Variants in HAO1 observed in about 807,000 individuals in gnomAD.
The protein encoded by HAO1 is hydroxyacid oxidase 1.
A neutral mutation model predicts 39.7 loss-of-function variants in HAO1; 34 were observed. The observed-to-expected ratio is 0.86, with a 90% CI of 0.65 to 1.14. The LOEUF (loss-of-function observed/expected upper bound fraction) is 1.14, where lower values mean the gene tolerates loss of function less well. Among genes scored for constraint, HAO1 ranks in the 50% most tolerant of loss-of-function variants. HAO1 has a pLI of 0.00. For missense variants in HAO1, 479 were observed against 464.5 expected (o/e 1.03, Z -0.29); for synonymous variants, 172 against 173.2 (o/e 0.99, Z 0.05).
intron 5 of HAO1, among the ~76,000 whole-genome samples, chr20:7,891,644 A>G (rs1164740287): frequency 6.6e-6 from 1 of 152,096 alleles, no homozygotes; most frequent in Admixed American, 6.6e-5. Flanking sequence ...GGTTTTTTCA[A>G]TGTTATCTTA....
Position 7,906,262 on chromosome 20 carries a change from G to T in HAO1, c.613C>A (p.Leu205Ile), listed in dbSNP as rs1283668057. ...PEENFGDDSGLAAYVAKAIDP... is the reference protein window; with the variant it reads ...PEENFGDDSGIAAYVAKAIDP... ...ATTGCTTTAGCCACATATGCAGCAAGTCCACTGTCGTCTCCAAAATTTTCC... is the reference window on the plus strand; with the variant it reads ...ATTGCTTTAGCCACATATGCAGCAATTCCACTGTCGTCTCCAAAATTTTCC... Residue 205 changes from leucine to isoleucine, a missense_variant, in exon 4 of 8, where the codon CTT becomes ATT. Coordinates refer to ENST00000378789, the MANE Select transcript of HAO1 (RefSeq NM_017545.3). 2 of 1,611,578 alleles carry T rather than the reference G, an allele frequency of 1.2e-6. No individual in the cohort carries two copies. Among genetic ancestry groups the T allele is most frequent in the Non-Finnish European group, 1.7e-6 (2 of 1,177,798 alleles).
At position 7,895,348 on chromosome 20, in the gene HAO1, T is replaced by C. The variant is rs549935422; in HGVS notation, c.722-124A>G. The C allele has an allele frequency of 1.1e-5, 7 of 658,516 alleles. No individual in the cohort carries two copies. In the East Asian group the frequency reaches 1.3e-4, roughly 12 times the overall value. 40.8% of individuals were successfully genotyped at this position (658,516 alleles called of 1,614,324 possible). A position where few individuals can be genotyped will look rare whatever the true frequency, so the allele number is the denominator to read the frequency against. ...ATCTGCATACCTGGGTCAATAATCT[T>C]AGCATAAAAGTATACCCTAGGGTTA... On this transcript the variant is annotated intron_variant, in intron 4 of 7. Transcript: ENST00000378789.
chr20:7,910,285 G>GA (rs1452784523), intron 3 of HAO1, among the ~76,000 whole-genome samples: 4 of 152,156 alleles, frequency 2.6e-5, no homozygotes, highest in Non-Finnish European at 4.4e-5. Context: ...GACTCAAAAT[G>GA]AAACTTTAAG....
chr20:7,895,362 AC>A, intron 4 of HAO1, 138 bp from the exon 5 acceptor site: 1 of 590,346 alleles, frequency 1.7e-6, no homozygotes. Flanking sequence ...ATAAAAGTAT[AC>A]CCTAGGGTTA....
At chr20:7,927,036 T>C (rs2050362443) in intron 2 of HAO1, among the ~76,000 whole-genome samples, 1 of 152,134 alleles carries the variant, frequency 6.6e-6, no homozygotes, top group Non-Finnish European at 1.5e-5. Context: ...ATCCTTCTTT[T>C]CTCTTTCTTT....
chr20:7,903,309 C>A (rs1228686623), intron 4 of HAO1, among the ~76,000 whole-genome samples: 8 of 142,850 alleles, frequency 5.6e-5, no homozygotes, highest in Admixed American at 2.1e-4. Context: ...TTTTTTTGAG[C>A]TTTCTCTAAT....
At chr20:7,929,740 T>G (rs2122795041) in intron 2 of HAO1, among the ~76,000 whole-genome samples, 1 of 152,188 alleles carries the variant, frequency 6.6e-6, no homozygotes, top group African/African-American at 2.4e-5. Flanking sequence ...GGTGCGTGCC[T>G]ATAGTCCTAG....
At position 7,917,764 on chromosome 20, in the gene HAO1, C is replaced by T. The variant is rs570861359; in HGVS notation, c.290-3345G>A. On this transcript the variant is annotated intron_variant, in intron 2 of 7. Transcript: ENST00000378789. ...GCTCTGCCAATAGGAACATCAAAAT[C>T]CACAAAAGGATTCCCTTGAACTCAT... is the stretch of plus-strand genomic sequence containing the variant. Among the ~76,000 whole-genome samples, 6 of 152,272 alleles carry T rather than the reference C, an allele frequency of 3.9e-5. No homozygotes were observed. In the South Asian group the frequency reaches 1.2e-3, roughly 32 times the overall value.
At chr20:7,906,888 G>C (rs1048271454) in intron 3 of HAO1, among the ~76,000 whole-genome samples, 2 of 152,232 alleles carry the variant, frequency 1.3e-5, no homozygotes, top group South Asian at 2.1e-4. Context: ...CTCCAAACTG[G>C]GTCCCTTGAC....
intron 5 of HAO1, among the ~76,000 whole-genome samples, chr20:7,888,355 C>G (rs966230970): frequency 6.6e-6 from 1 of 152,166 alleles, no homozygotes; most frequent in Non-Finnish European, 1.5e-5. Flanking sequence ...CCCCCAACCC[C>G]TCCCCCAAAC....
intron 2 of HAO1, among the ~76,000 whole-genome samples, chr20:7,924,403 A>G (rs941426): frequency 0.31 from 47,797 of 152,006 alleles, 8,994 homozygotes; most frequent in East Asian, 0.51. Context: ...TTTAATGTCA[A>G]ATCCAACAAT....
intron 5 of HAO1, among the ~76,000 whole-genome samples, chr20:7,889,169 A>G (rs1263631706): frequency 6.6e-6 from 1 of 151,668 alleles, no homozygotes; most frequent in Non-Finnish European, 1.5e-5. Flanking sequence ...TTTCTCAAAG[A>G]TGGAATTGCA....
chr20:7,903,121 T>C (rs2050228210), intron 4 of HAO1, among the ~76,000 whole-genome samples: 1 of 152,224 alleles, frequency 6.6e-6, no homozygotes, highest in Non-Finnish European at 1.5e-5. Context: ...ACTGCTCCCT[T>C]CCGATCCAGA....
chr20:7,895,052 G>C, intron 5 of HAO1, 81 bp downstream of exon 5: 1 of 882,534 alleles, frequency 1.1e-6, no homozygotes, highest in Non-Finnish European at 1.9e-6. Flanking sequence ...TACACACAGA[G>C]AGGAGGAAGA....
chr20:7,902,030 A>G (rs1272143133), intron 4 of HAO1, among the ~76,000 whole-genome samples: 1 of 152,228 alleles, frequency 6.6e-6, no homozygotes, highest in African/African-American at 2.4e-5. Context: ...ACTTAAATGA[A>G]TGAAGAGTTT....
Position 7,915,194 on chromosome 20 carries a change from T to C in HAO1, c.290-775A>G, listed in dbSNP as rs557476223. On this transcript the variant is annotated intron_variant, in intron 2 of 7. Coordinates refer to ENST00000378789, the MANE Select transcript of HAO1 (RefSeq NM_017545.3). ...TAAACCATGGTGCCCAGATATTTGGTGAAACATGTCTGAATGCTGCTATGA... is the reference window on the plus strand; with the variant it reads ...TAAACCATGGTGCCCAGATATTTGGCGAAACATGTCTGAATGCTGCTATGA... Among the ~76,000 whole-genome samples, 91 of 152,268 alleles carry C rather than the reference T, an allele frequency of 6.0e-4. 4 individuals carry two copies. The South Asian group carries it at 0.018, about 31-fold the overall frequency.
intron 2 of HAO1, among the ~76,000 whole-genome samples, chr20:7,919,012 G>A (rs1021015780): frequency 8.5e-5 from 13 of 152,198 alleles, no homozygotes; most frequent in African/African-American, 3.1e-4. Context: ...CTATGTATTA[G>A]ACTGTAACGG....
intron 2 of HAO1, among the ~76,000 whole-genome samples, chr20:7,915,597 A>G (rs2050303182): frequency 6.6e-6 from 1 of 152,216 alleles, no homozygotes; most frequent in Admixed American, 6.5e-5. Flanking sequence ...AAAGATAGAG[A>G]TAGAGAGATA....
chr20:7,923,860 C>T (rs912891845), intron 2 of HAO1, among the ~76,000 whole-genome samples: 4 of 152,120 alleles, frequency 2.6e-5, no homozygotes, highest in African/African-American at 9.7e-5. Context: ...TAGATATTTT[C>T]TTTCAAAAGG....
Sources: gnomAD v4.1 joint callset for allele counts (sites outside exome capture counted in the v4.1 genomes callset) on GRCh38, gnomAD v4.1.1 for gene constraint, MANE v1.5 for transcripts, NCBI Gene and HGNC (gene_info 2026-07-23, HGNC 2026-07-21) for gene names.